The following SLFN5 variants were observed in gnomAD, a reference collection of about 807,000 sequenced individuals.
The protein encoded by SLFN5 is schlafen family member 5.
Under a neutral mutation model 48.5 loss-of-function variants are expected in SLFN5, and 34 were observed. The observed-to-expected ratio is 0.70, with a 90% CI of 0.53 to 0.93. The LOEUF is 0.93. Among genes scored for constraint, SLFN5 ranks in the 40% least tolerant of loss-of-function variants. The pLI is 0.00. For missense variants in SLFN5, 1,006 were observed against 1,071.3 expected (o/e 0.94, Z 0.85); for synonymous variants, 387 against 396.2 (o/e 0.98, Z 0.28).
chr17:35,244,112 C>A (rs1199855615), intron 1 of SLFN5, among the ~76,000 whole-genome samples: 1 of 152,148 alleles, frequency 6.6e-6, no homozygotes, highest in Admixed American at 6.6e-5. Flanking sequence ...TTTCTTGACT[C>A]TGAAGCTATA....
In SLFN5 at chr17:35,265,184, G is replaced by T. The variant is rs1904640927; in HGVS notation, c.1972G>T (p.Asp658Tyr). 6.2e-7 allele frequency: 1 copy of T among 1,614,092 alleles called. No homozygotes were observed. The highest frequency in any genetic ancestry group is 8.5e-7 in the Non-Finnish European group (1 of 1,180,046). Reference protein sequence around the residue: ...IDDAQNFRTEDGDWYGKAKFI... With the variant: ...IDDAQNFRTEYGDWYGKAKFI... Reference sequence around the variant, plus strand: ...TGACGCTCAGAATTTCCGTACTGAAGATGGGGACTGGTATGGGAAAGCAAA... The same window carrying T: ...TGACGCTCAGAATTTCCGTACTGAATATGGGGACTGGTATGGGAAAGCAAA... Residue 658 changes from aspartate (D) to tyrosine (Y), a missense_variant, in exon 5 of 5, where the codon GAT becomes TAT. Coordinates refer to ENST00000299977, the MANE Select transcript of SLFN5 (RefSeq NM_144975.4).
rs533312799 is a variant in SLFN5 at position 35,265,231 on chromosome 17, G to A, written c.2019G>A (p.Arg673=). ...CAAAGTTCATCACTCAGACAGCAAG[G>A]GATGGCCCAGGAGTTCTCTGGATCT... ...GKAKFITQTA[R]DGPGVLWIFL... is the part of the protein sequence containing the mutation. Residue 673 remains arginine (R), a synonymous_variant, in exon 5 of 5, where the codon AGG becomes AGA. Coordinates refer to ENST00000299977, the MANE Select transcript of SLFN5 (RefSeq NM_144975.4). The A allele has an allele frequency of 3.0e-5, 48 of 1,614,188 alleles. 1 individual carries two copies. In the South Asian group the frequency reaches 5.3e-4, roughly 18 times the overall value.
At position 35,265,596 on chromosome 17, in the gene SLFN5, C is replaced by T. The variant is rs767689116; in HGVS notation, c.2384C>T (p.Thr795Ile). ...CCGAAGGATATTGCTGTGCTTTTCA[C>T]CAAAGCAAGTGAAGTGGAAAAATAT... ...YSPKDIAVLF[T>I]KASEVEKYKD... The change falls in exon 5 of 5, where the codon ACC becomes ATC. Residue 795 changes from threonine to isoleucine, a missense_variant. Physicochemically the swap from Thr to Ile is moderately conservative, Grantham distance 89. Coordinates refer to ENST00000299977, the MANE Select transcript of SLFN5 (RefSeq NM_144975.4). The T allele has an allele frequency of 1.1e-5, 17 of 1,614,034 alleles. No individual in the cohort carries two copies. In the Admixed American group the frequency reaches 2.5e-4, roughly 24 times the overall value.
intron 1 of SLFN5, among the ~76,000 whole-genome samples, chr17:35,254,588 C>T (rs2092450324): frequency 6.6e-6 from 1 of 152,218 alleles, no homozygotes; most frequent in Non-Finnish European, 1.5e-5. Flanking sequence ...TTTCTTCCTA[C>T]TTCAGAGAAC....
In SLFN5 at chr17:35,265,696, G is replaced by A; in HGVS notation, c.2484G>A (p.Gln828=). ...QLHEESDLLL[Q]IGDASDVLTD... ...ATGAGGAGTCTGATCTGTTACTACA[G>A]ATCGGTGATGCGTCGGATGTTCTAA... The change falls in exon 5 of 5, where the codon CAG becomes CAA. Residue 828 remains glutamine, a synonymous_variant. Transcript: ENST00000299977. The A allele has an allele frequency of 1.2e-6, 2 of 1,614,224 alleles. No individual in the cohort carries two copies. The highest frequency in any genetic ancestry group is 1.7e-6 in the Non-Finnish European group (2 of 1,180,040).
rs200028123 is a variant in SLFN5, at chr17:35,267,530, AAAACAAACAAAC to A, written c.*1654_*1665del. On this transcript the variant is annotated 3_prime_UTR_variant, in exon 5 of 5. Transcript: ENST00000299977. ...AATATAGTGAGACCCTGTCTCTACA[AAAACAAACAAAC>A]AAACAAACAAATAAATAAATAAATA... The A allele has an allele frequency of 1.3e-5, 2 of 152,230 alleles. No individual in the cohort carries two copies. Among genetic ancestry groups the A allele is most frequent in the East Asian group, 3.9e-4 (2 of 5,180 alleles). The allele number at this position is 152,230 out of a possible 1,614,324, so 9.4% of individuals were successfully genotyped here. A position where few individuals can be genotyped will look rare whatever the true frequency, so the allele number is the denominator to read the frequency against.
chr17:35,260,599 G>A (rs9912622), intron 2 of SLFN5, among the ~76,000 whole-genome samples: 18,090 of 152,012 alleles, frequency 0.12, 1,137 homozygotes, highest in Admixed American at 0.13. Context: ...GGTGACGCAC[G>A]CCTGTAATCC....
intron 3 of SLFN5, among the ~76,000 whole-genome samples, chr17:35,263,418 A>G (rs1484956559): frequency 1.3e-5 from 2 of 152,164 alleles, no homozygotes; most frequent in Admixed American, 6.5e-5. Flanking sequence ...GGCATGAGCC[A>G]CCACGCCCGG....
Position 35,259,393 on chromosome 17 carries a change from A to T in SLFN5, c.703A>T (p.Thr235Ser). 2 of 1,614,170 alleles carry T rather than the reference A, an allele frequency of 1.2e-6. No homozygotes were observed. The highest frequency in any genetic ancestry group is 1.7e-6 in the Non-Finnish European group (2 of 1,180,044). ...GYVFFGVHDE[T>S]CQVIGCEKEK... ...TGTATTTTTTGGTGTGCATGATGAGACTTGTCAAGTGATTGGATGTGAAAA... is the reference window on the plus strand; with the variant it reads ...TGTATTTTTTGGTGTGCATGATGAGTCTTGTCAAGTGATTGGATGTGAAAA... Residue 235 changes from threonine (T) to serine (S), a missense_variant, in exon 2 of 5, where the codon ACT becomes TCT. Thr to Ser is a moderately conservative substitution (Grantham distance 58). Coordinates refer to ENST00000299977, the MANE Select transcript of SLFN5 (RefSeq NM_144975.4).
Position 35,265,382 on chromosome 17 carries a change from C to A in SLFN5, c.2170C>A (p.Gln724Lys). ...NAGPIANYLQ[Q>K]VMQEARQNPP... ...AGGTCCAATAGCTAATTACCTACAA[C>A]AAGTAATGCAGGAAGCCCGACAAAA... The change falls in exon 5 of 5, where the codon CAA becomes AAA. Residue 724 changes from glutamine to lysine, a missense_variant. Transcript: ENST00000299977. 1 of 1,614,178 alleles carries A rather than the reference C, an allele frequency of 6.2e-7. No homozygotes were observed. The highest frequency in any genetic ancestry group is 8.5e-7 in the Non-Finnish European group (1 of 1,180,038).
chr17:35,246,876 T>C (rs1391875556), intron 1 of SLFN5, among the ~76,000 whole-genome samples: 1 of 152,052 alleles, frequency 6.6e-6, no homozygotes, highest in East Asian at 1.9e-4. Context: ...AAAAATTATT[T>C]TGTTCATCTA....
chr17:35,255,379 G>A lies in SLFN5; in HGVS notation c.-40-3272G>A, dbSNP rs75026705. Among the ~76,000 whole-genome samples, 1,197 of 152,310 alleles carry A rather than the reference G, an allele frequency of 7.9e-3. 16 individuals are homozygous for A. The highest frequency in any genetic ancestry group is 0.01 in the Non-Finnish European group (707 of 68,026). ...TATTACTTTTACTGCTGGGAAAAAT[G>A]TAAGTTGAAATAAAAACAACATAGA... On this transcript the variant is annotated intron_variant, in intron 1 of 4. Transcript: ENST00000299977.
intron 1 of SLFN5, among the ~76,000 whole-genome samples, chr17:35,252,221 T>C (rs1245479925): frequency 6.6e-6 from 1 of 152,018 alleles, no homozygotes; most frequent in African/African-American, 2.4e-5. Flanking sequence ...CTTGAGGTTA[T>C]GAGTTTGAGA....
intron 1 of SLFN5, among the ~76,000 whole-genome samples, chr17:35,252,439 C>A (rs1414163487): frequency 1.3e-5 from 2 of 152,132 alleles, no homozygotes; most frequent in South Asian, 2.1e-4. Flanking sequence ...AAAACAAAAA[C>A]CAAAAAGGAC....
Position 35,265,569 on chromosome 17 carries a change from C to T in SLFN5, c.2357C>T (p.Ser786Phe). The change falls in exon 5 of 5, where the codon TCT becomes TTT. Residue 786 changes from serine (S) to phenylalanine (F), a missense_variant. By Grantham distance (155) the Ser-to-Phe change is radical. Transcript: ENST00000299977. ...CGTTTTCTCTTGCGGAATGGTTATT[C>T]TCCGAAGGATATTGCTGTGCTTTTC... ...KCRFLLRNGY[S>F]PKDIAVLFTK... The T allele has an allele frequency of 6.2e-7, 1 of 1,614,154 alleles. No individual in the cohort carries two copies. The highest frequency in any genetic ancestry group is 8.5e-7 in the Non-Finnish European group (1 of 1,180,038).
Position 35,265,873 on chromosome 17 carries a change from G to A in SLFN5, c.2661G>A (p.Leu887=), listed in dbSNP as rs1311641720. 6.3e-7 allele frequency: 1 copy of A among 1,596,050 alleles called. No individual in the cohort carries two copies. The highest frequency in any genetic ancestry group is 8.5e-7 in the Non-Finnish European group (1 of 1,171,674). The change falls in exon 5 of 5, where the codon CTG becomes CTA. Residue 887 remains leucine, a synonymous_variant. Transcript: ENST00000299977. ...GGGCAAAAAGACATCTGTATATTCT[G>A]AAGGCTTCTGTGTGACAGGAAACCC... ...ASRAKRHLYI[L]KASV is the part of the protein sequence containing the mutation.
In SLFN5 at chr17:35,265,279, T is replaced by A; in HGVS notation, c.2067T>A (p.Tyr689Ter). ...TCTTTCTGGACTACTTTCAGACCTA[T>A]CACTTGAGTTGCAGTGGCCTCCCCC... ...LWIFLDYFQT[Y>*]HLSCSGLPPP... Residue 689 changes from tyrosine to a stop codon, truncating the protein, a stop_gained, in exon 5 of 5, where the codon TAT becomes TAA. Coordinates refer to ENST00000299977, the MANE Select transcript of SLFN5 (RefSeq NM_144975.4). LOFTEE classifies it low-confidence loss of function (END_TRUNC). The A allele has an allele frequency of 6.2e-7, 1 of 1,614,134 alleles. No individual in the cohort carries two copies. The highest frequency in any genetic ancestry group is 8.5e-7 in the Non-Finnish European group (1 of 1,180,034).
chr17:35,245,016 G>C (rs1372467782), intron 1 of SLFN5, among the ~76,000 whole-genome samples: 1 of 152,198 alleles, frequency 6.6e-6, no homozygotes, highest in Non-Finnish European at 1.5e-5. Context: ...CGTGTTTATA[G>C]CAGCCCCACT....
rs1473871994 is a variant in SLFN5 at position 35,258,950 on chromosome 17, A to G, written c.260A>G (p.Asp87Gly). 2 of 1,614,206 alleles carry G rather than the reference A, an allele frequency of 1.2e-6. No individual in the cohort carries two copies. Among genetic ancestry groups the G allele is most frequent in the East Asian group, 4.5e-5 (2 of 44,884 alleles). Reference sequence around the variant, plus strand: ...CCTCCAATTTTCAGAAGCCATTTAGATAAGATGCAGAAGGAAAACCACTTT... The same window carrying G: ...CCTCCAATTTTCAGAAGCCATTTAGGTAAGATGCAGAAGGAAAACCACTTT... ...DVPPIFRSHL[D>G]KMQKENHFLI... Residue 87 changes from aspartate to glycine, a missense_variant, in exon 2 of 5, where the codon GAT (aspartate) becomes GGT (glycine). Coordinates refer to ENST00000299977, the MANE Select transcript of SLFN5 (RefSeq NM_144975.4).
Sources: allele counts gnomAD v4.1 joint callset (sites outside exome capture counted in the v4.1 genomes callset), GRCh38; gene constraint gnomAD v4.1.1; transcripts MANE v1.5; gene names NCBI Gene and HGNC (gene_info 2026-07-23, HGNC 2026-07-21).